KLHL18: variants seen among roughly 807,000 people sequenced by gnomAD.
KLHL18 encodes the protein kelch-like protein 18.
Under a neutral mutation model 58.5 loss-of-function variants are expected in KLHL18, and 38 were observed. The ratio of observed to expected loss-of-function variants is 0.65; its 90% CI spans 0.50 to 0.85. KLHL18 has a LOEUF of 0.85. Ranked by LOEUF, KLHL18 falls within the 40% of genes least tolerant of loss-of-function variation. KLHL18 has a pLI of 0.00. For missense variants in KLHL18, 624 were observed against 778.4 expected, an observed-to-expected ratio of 0.80 and a Z score of 2.36; for synonymous variants, 303 against 301.9, an observed-to-expected ratio of 1.00 and a Z score of -0.04.
At position 47,334,659 on chromosome 3, in the gene KLHL18, C is replaced by A. The variant is rs757698088; in HGVS notation, c.762-24C>A. On this transcript the variant is annotated intron_variant, in intron 5 of 9. Transcript: ENST00000232766. The surrounding 1 kb of genome is among the most constrained non-coding windows in gnomAD (Gnocchi z 4.7). The stretch of plus-strand genomic sequence containing the variant: ...CTAAGTCAGGGGGATACCTCCTGTT[C>A]TAGCATCTTCCACCTTATTCTAGGG... 5 of 1,613,614 alleles carry A rather than the reference C, an allele frequency of 3.1e-6. No homozygotes were observed. The highest frequency in any genetic ancestry group is 1.3e-5 in the African/African-American group (1 of 74,918).
At chr3:47,333,133 C>T (rs1341861730) in intron 4 of KLHL18, 24 bp from the exon 5 acceptor site, 3 of 1,604,096 alleles carry the variant, frequency 1.9e-6, no homozygotes, top group Non-Finnish European at 2.6e-6. Context: ...GGATTTGCTG[C>T]CAGAACATCC....
rs773284047 is a variant in KLHL18 at position 47,342,815 on chromosome 3, G to A, written c.1323G>A (p.Leu441=). The change falls in exon 9 of 10, where the codon TTG becomes TTA. Residue 441 remains leucine (L), a synonymous_variant. Transcript: ENST00000232766. The part of the protein sequence containing the change: ...RIYVSGGHDG[L]QIFSSVEHYN... Reference sequence around the variant, plus strand: ...ATGTGTCAGGCGGCCATGATGGTTTGCAGATCTTCAGCAGTGTGAGTCTGG... The same window carrying A: ...ATGTGTCAGGCGGCCATGATGGTTTACAGATCTTCAGCAGTGTGAGTCTGG... 1 of 1,613,854 alleles carries A rather than the reference G, an allele frequency of 6.2e-7. No homozygotes were observed. Among genetic ancestry groups the A allele is most frequent in the South Asian group, 1.1e-5 (1 of 91,072 alleles).
At chr3:47,322,263 G>T (rs1001408394) in intron 2 of KLHL18, among the ~76,000 whole-genome samples, 2 of 152,198 alleles carry the variant, frequency 1.3e-5, no homozygotes, top group African/African-American at 4.8e-5. Flanking sequence ...AGTATTTTAT[G>T]ATTATATCCA....
intron 3 of KLHL18, among the ~76,000 whole-genome samples, chr3:47,323,376 C>A (rs995443529): frequency 6.6e-6 from 1 of 152,200 alleles, no homozygotes; most frequent in Non-Finnish European, 1.5e-5. Context: ...GCTCCCAGCC[C>A]TCTTTGAATT....
At chr3:47,316,484 CATATATACATATATAT>C (rs1559495398) in intron 1 of KLHL18, among the ~76,000 whole-genome samples, 5 of 14,732 alleles carry the variant, frequency 3.4e-4, no homozygotes, top group Non-Finnish European at 1.1e-3. Flanking sequence ...TATATATATA[CATATATACATATATAT>C]GTATATATAT....
At chr3:47,322,794 A>G in intron 3 of KLHL18, 86 bp downstream of exon 3, 6 of 1,325,054 alleles carry the variant, frequency 4.5e-6, no homozygotes, top group Non-Finnish European at 6.0e-6. Context: ...TTGGGACCAT[A>G]TATAGGTTTA....
chr3:47,325,862 C>T (rs1191052637), intron 3 of KLHL18, among the ~76,000 whole-genome samples: 1 of 151,882 alleles, frequency 6.6e-6, no homozygotes, highest in Non-Finnish European at 1.5e-5. Flanking sequence ...CTCTGCCTCC[C>T]GAGCTCAAGC....
chr3:47,294,572 C>T (rs559216501), intron 1 of KLHL18, among the ~76,000 whole-genome samples: 1 of 152,196 alleles, frequency 6.6e-6, no homozygotes, highest in East Asian at 1.9e-4. Context: ...TTTGGGGAAA[C>T]AGCAAGAAGC....
At chr3:47,331,319 G>A (rs187320285) in intron 4 of KLHL18, among the ~76,000 whole-genome samples, 2 of 150,754 alleles carry the variant, frequency 1.3e-5, no homozygotes, top group East Asian at 3.9e-4. Context: ...TAGAGATGGG[G>A]TTTCACCACG....
chr3:47,343,409 C>T, intron 9 of KLHL18, 146 bp from the exon 10 acceptor site: 1 of 899,858 alleles, frequency 1.1e-6, no homozygotes, highest in Non-Finnish European at 1.7e-6. Flanking sequence ...AGGCCTGCAG[C>T]AGAGGGAATA....
chr3:47,310,444 A>G (rs1576154991), intron 1 of KLHL18, among the ~76,000 whole-genome samples: 2 of 152,200 alleles, frequency 1.3e-5, no homozygotes, highest in African/African-American at 4.8e-5. Flanking sequence ...AAGTTCTTCA[A>G]GGCTGTCTTA....
intron 1 of KLHL18, among the ~76,000 whole-genome samples, chr3:47,300,337 G>A (rs1025513697): frequency 7.0e-6 from 1 of 143,744 alleles, no homozygotes; most frequent in African/African-American, 2.5e-5. Context: ...ATGTATATAC[G>A]TGTGTATGTG....
At chr3:47,328,365 C>CA (rs1275173623) in intron 3 of KLHL18, among the ~76,000 whole-genome samples, 2 of 151,718 alleles carry the variant, frequency 1.3e-5, no homozygotes, top group African/African-American at 2.4e-5. Flanking sequence ...GACCTTGTCT[C>CA]AAAAAACAAA....
At chr3:47,317,356 C>T (rs1703479718) in intron 1 of KLHL18, among the ~76,000 whole-genome samples, 4 of 152,076 alleles carry the variant, frequency 2.6e-5, no homozygotes, top group Admixed American at 2.6e-4. Context: ...TCAGGTGATC[C>T]ACCCGCCTCA....
chr3:47,343,588 C>T lies in KLHL18; in HGVS notation c.1372C>T (p.His458Tyr), dbSNP rs1265901943. 2 of 1,613,928 alleles carry T rather than the reference C, an allele frequency of 1.2e-6. No homozygotes were observed. The highest frequency in any genetic ancestry group is 1.7e-5 in the Admixed American group (1 of 60,022). The change falls in exon 10 of 10, where the codon CAC (histidine) becomes TAC (tyrosine). Residue 458 changes from histidine (H) to tyrosine (Y), a missense_variant. Coordinates refer to ENST00000232766, the MANE Select transcript of KLHL18 (RefSeq NM_025010.5). ...CTACAACCACCACACAGCCACCTGG[C>T]ACCCTGCAGCTGGCATGCTCAACAA... is the stretch of plus-strand genomic sequence containing the variant. The part of the protein sequence containing the change: ...EHYNHHTATW[H>Y]PAAGMLNKRC...
At chr3:47,307,856 CATATA>C (rs1703186183) in intron 1 of KLHL18, among the ~76,000 whole-genome samples, 1 of 152,144 alleles carries the variant, frequency 6.6e-6, no homozygotes, top group Non-Finnish European at 1.5e-5. Context: ...ATCAAGTTTA[CATATA>C]TATGGGATGT....
Position 47,345,073 on chromosome 3 carries a change from C to G in KLHL18, c.*1132C>G, listed in dbSNP as rs1704199970. 6.6e-6 allele frequency: 1 copy of G among 152,408 alleles called. No homozygotes were observed. Among genetic ancestry groups the G allele is most frequent in the African/African-American group, 2.4e-5 (1 of 41,446 alleles). 9.4% of individuals were successfully genotyped at this position (152,408 alleles called of 1,614,324 possible). ...CGCTCATTCAGATTCCCCACTCTCA[C>G]TAACATTGCTTCCTTTTTTGACCAG... On this transcript the variant is annotated 3_prime_UTR_variant, in exon 10 of 10. Transcript: ENST00000232766.
Position 47,340,580 on chromosome 3 carries a change from G to A in KLHL18, c.1130G>A (p.Gly377Glu), listed in dbSNP as rs1412822937. 8.1e-6 allele frequency: 13 copies of A among 1,613,994 alleles called. No homozygotes were observed. The highest frequency in any genetic ancestry group is 8.5e-6 in the Non-Finnish European group (10 of 1,179,990). The change falls in exon 8 of 10, where the codon GGG becomes GAG. Residue 377 changes from glycine (G) to glutamate (E), a missense_variant. Transcript: ENST00000232766. ...AGCTCTGTCTGTTTCAGTGCCATGG[G>A]GACAGTCGTGCTGGATGGGCAGATC... ...GSMNSKRSAMGTVVLDGQIYV... is the reference protein window; with the variant it reads ...GSMNSKRSAMETVVLDGQIYV...
chr3:47,333,385 G>C, intron 5 of KLHL18, 68 bp downstream of exon 5: 2 of 1,457,396 alleles, frequency 1.4e-6, no homozygotes, highest in South Asian at 2.5e-5. Flanking sequence ...TTGGCCACCT[G>C]TTCCAGTTCT....
Sources: allele counts gnomAD v4.1 joint callset (sites outside exome capture counted in the v4.1 genomes callset), GRCh38; gene constraint gnomAD v4.1.1; non-coding constraint Gnocchi (gnomAD v3.1); transcripts MANE v1.5; gene names NCBI Gene and HGNC (gene_info 2026-07-23, HGNC 2026-07-21).